The following CAMTA1 variants were observed in gnomAD, a reference collection of about 807,000 sequenced individuals.
The protein encoded by CAMTA1 is calmodulin-binding transcription activator 1.
CAMTA1 carries 27 observed loss-of-function variants against 170.9 expected under a neutral mutation model. That is an observed-to-expected ratio of 0.16 (90% CI 0.12 to 0.22). The LOEUF (loss-of-function observed/expected upper bound fraction) is 0.22, where lower values mean the gene tolerates loss of function less well. Ranked by LOEUF, CAMTA1 falls within the 10% of genes least tolerant of loss-of-function variation. The pLI is 1.00. For synonymous variants in CAMTA1, 833 were observed against 891.5 expected, an observed-to-expected ratio of 0.93 and a Z score of 1.17; for missense variants, 1,619 against 2,217.2, an observed-to-expected ratio of 0.73 and a Z score of 5.42.
intron 5 of CAMTA1, among the ~76,000 whole-genome samples, chr1:7,459,226 A>T (rs2093028773): frequency 6.6e-6 from 1 of 152,114 alleles, no homozygotes; most frequent in Admixed American, 6.5e-5. Context: ...GTGACCTTAG[A>T]CAAACTGCTG....
intron 4 of CAMTA1, among the ~76,000 whole-genome samples, chr1:7,118,346 G>A (rs1644456493): frequency 6.9e-6 from 1 of 145,944 alleles, no homozygotes; most frequent in African/African-American, 2.6e-5. Flanking sequence ...AGGCTGGAGT[G>A]CAGTGGTGCA....
chr1:7,595,306 A>G (rs754669986), intron 6 of CAMTA1, among the ~76,000 whole-genome samples: 1 of 152,222 alleles, frequency 6.6e-6, no homozygotes, highest in Non-Finnish European at 1.5e-5. Context: ...AGTAATTTTC[A>G]TCGTATTTTT....
chr1:6,999,792 G>T, intron 3 of CAMTA1, among the ~76,000 whole-genome samples: 1 of 152,208 alleles, frequency 6.6e-6, no homozygotes, highest in East Asian at 1.9e-4. Context: ...ACCCTCACTT[G>T]TGCTCTTTCT....
intron 6 of CAMTA1, among the ~76,000 whole-genome samples, chr1:7,484,117 C>T (rs1188564236): frequency 6.6e-6 from 1 of 152,206 alleles, no homozygotes; most frequent in Admixed American, 6.5e-5. Context: ...CAGCCACTTG[C>T]AGACCGTGGC....
At chr1:6,910,621 C>A (rs1009888785) in intron 3 of CAMTA1, among the ~76,000 whole-genome samples, 13 of 152,196 alleles carry the variant, frequency 8.5e-5, no homozygotes, top group Admixed American at 8.5e-4. Flanking sequence ...TGAGTCCCTC[C>A]AACATGTCAC....
intron 4 of CAMTA1, among the ~76,000 whole-genome samples, chr1:7,181,499 T>C (rs1425960554): frequency 2.0e-5 from 3 of 152,166 alleles, no homozygotes; most frequent in Non-Finnish European, 4.4e-5. Context: ...AGAGAATCAA[T>C]GATAAAAGTA....
chr1:7,000,132 G>A (rs182274088), intron 3 of CAMTA1, among the ~76,000 whole-genome samples: 154 of 152,344 alleles, frequency 1.0e-3, no homozygotes, highest in African/African-American at 3.4e-3. Flanking sequence ...CTAGGGACAG[G>A]ATGGGAGATG....
rs535787981 is a variant in CAMTA1 at position 7,018,953 on chromosome 1, A to G, written c.235-72351A>G. 3.0e-4 allele frequency among the ~76,000 whole-genome samples: 45 copies of G among 152,250 alleles called. No homozygotes were observed. In the South Asian group the frequency reaches 9.1e-3, roughly 31 times the overall value. On this transcript the variant is annotated intron_variant, in intron 3 of 22. Coordinates refer to ENST00000303635, the MANE Select transcript of CAMTA1 (RefSeq NM_015215.4). ...AAGGCCCGTCTGCAGAGGGGCCCGA[A>G]GAGACCCGAGGACACCCTCCTGGCT...
At chr1:7,370,529 G>A (rs1047612849) in intron 5 of CAMTA1, among the ~76,000 whole-genome samples, 3 of 152,174 alleles carry the variant, frequency 2.0e-5, no homozygotes, top group Admixed American at 6.5e-5. Flanking sequence ...GGTCGTATTC[G>A]AGGGAAGACA....
intron 6 of CAMTA1, among the ~76,000 whole-genome samples, chr1:7,605,713 C>T (rs1362371816): frequency 2.0e-5 from 3 of 152,202 alleles, no homozygotes; most frequent in Non-Finnish European, 4.4e-5. Flanking sequence ...TCCGACACTC[C>T]CTAGTGAGAT....
At chr1:7,555,997 A>T (rs1009973857) in intron 6 of CAMTA1, among the ~76,000 whole-genome samples, 2 of 152,138 alleles carry the variant, frequency 1.3e-5, no homozygotes, top group Non-Finnish European at 2.9e-5. Flanking sequence ...TCCCATGAGG[A>T]GGGGGCAGGC....
At chr1:7,593,463 G>C (rs1322439658) in intron 6 of CAMTA1, among the ~76,000 whole-genome samples, 1 of 151,784 alleles carries the variant, frequency 6.6e-6, no homozygotes, top group Non-Finnish European at 1.5e-5. Flanking sequence ...GGCCAGGTGA[G>C]GTGGCTCATG....
At position 7,442,470 on chromosome 1, in the gene CAMTA1, G is replaced by A. The variant is rs117577228; in HGVS notation, c.439-25360G>A. Among the ~76,000 whole-genome samples the A allele has an allele frequency of 1.8e-3, 270 of 152,286 alleles. 5 individuals are homozygous for A. The East Asian group carries it at 0.046, about 26-fold the overall frequency. On this transcript the variant is annotated intron_variant, in intron 5 of 22. Coordinates refer to ENST00000303635, the MANE Select transcript of CAMTA1 (RefSeq NM_015215.4). ...AGCAGGCAGCCGGTACAGGGAGCAC[G>A]TAGGTTCGCATACCAATGGCCCGGT...
At chr1:7,276,085 A>G (rs137946732) in intron 5 of CAMTA1, among the ~76,000 whole-genome samples, 4 of 151,456 alleles carry the variant, frequency 2.6e-5, no homozygotes, top group Non-Finnish European at 4.4e-5. Flanking sequence ...TTGGTTTAAC[A>G]TGTGCTAATC....
chr1:7,371,413 C>T (rs1436429115), intron 5 of CAMTA1, among the ~76,000 whole-genome samples: 1 of 152,058 alleles, frequency 6.6e-6, no homozygotes, highest in Non-Finnish European at 1.5e-5. Flanking sequence ...CCTGCCACCC[C>T]GCCTGGCTAA....
intron 6 of CAMTA1, among the ~76,000 whole-genome samples, chr1:7,468,825 C>G (rs1163676090): frequency 6.6e-6 from 1 of 152,118 alleles, no homozygotes; most frequent in Admixed American, 6.5e-5. Context: ...TCTGACCTGG[C>G]GGGGGTGTAG....
intron 4 of CAMTA1, among the ~76,000 whole-genome samples, chr1:7,178,462 TG>T (rs1651412455): frequency 6.6e-6 from 1 of 152,192 alleles, no homozygotes; most frequent in Non-Finnish European, 1.5e-5. Flanking sequence ...CATGTGTTAA[TG>T]GTGTTGAACT....
At chr1:7,360,265 T>C (rs999144697) in intron 5 of CAMTA1, among the ~76,000 whole-genome samples, 10 of 152,146 alleles carry the variant, frequency 6.6e-5, no homozygotes, top group Non-Finnish European at 8.8e-5. Flanking sequence ...ACTCAACCCA[T>C]AACAGCTACA....
At chr1:6,861,730 T>C (rs1463747709) in intron 3 of CAMTA1, among the ~76,000 whole-genome samples, 1 of 152,208 alleles carries the variant, frequency 6.6e-6, no homozygotes, top group Non-Finnish European at 1.5e-5. Context: ...TGGTAAAATA[T>C]ACATATATAA....
Sources: gnomAD v4.1 joint callset for allele counts (sites outside exome capture counted in the v4.1 genomes callset) on GRCh38, gnomAD v4.1.1 for gene constraint, MANE v1.5 for transcripts, NCBI Gene and HGNC (gene_info 2026-07-23, HGNC 2026-07-21) for gene names.